The following PLCE1 variants were observed in gnomAD, a reference collection of about 807,000 sequenced individuals.
PLCE1 encodes the protein 1-phosphatidylinositol 4,5-bisphosphate phosphodiesterase epsilon-1.
A neutral mutation model predicts 242.8 loss-of-function variants in PLCE1; 119 were observed. The observed-to-expected ratio is 0.49, with a 90% CI of 0.42 to 0.57. The LOEUF is 0.57. Among genes scored for constraint, PLCE1 ranks in the 20% least tolerant of loss-of-function variants. PLCE1 has a pLI of 0.00. For missense variants in PLCE1, 2,441 were observed against 2,788.8 expected (o/e 0.88, Z 2.81); for synonymous variants, 945 against 1,017.4 (o/e 0.93, Z 1.35).
At chr10:94,173,631 C>T (rs2048047046) in intron 4 of PLCE1, among the ~76,000 whole-genome samples, 5 of 152,124 alleles carry the variant, frequency 3.3e-5, no homozygotes, top group Admixed American at 6.5e-5. Flanking sequence ...CATTCACTTC[C>T]ATAACCTTGG....
chr10:94,165,144 C>T (rs1369179412), intron 3 of PLCE1, among the ~76,000 whole-genome samples: 2 of 152,198 alleles, frequency 1.3e-5, no homozygotes, highest in African/African-American at 4.8e-5. Flanking sequence ...GCTGGGAGAA[C>T]CACTACTCTC....
chr10:94,137,932 G>A, intron 3 of PLCE1: 1 of 387,678 alleles, frequency 2.6e-6, no homozygotes, highest in African/African-American at 2.1e-5. Context: ...AGATGACCAA[G>A]TACCACAGTG....
Position 94,226,380 on chromosome 10 carries a change from G to A in PLCE1, c.1810-926G>A, listed in dbSNP as rs188647518. 6.6e-5 allele frequency among the ~76,000 whole-genome samples: 10 copies of A among 152,222 alleles called. No individual in the cohort carries two copies. The East Asian group carries it at 1.9e-3, about 29-fold the overall frequency. On this transcript the variant is annotated intron_variant, in intron 4 of 32. Coordinates refer to ENST00000371380, the MANE Select transcript of PLCE1 (RefSeq NM_016341.4). ...AAACCTAGGCTTTGCTACCTTCAAC[G>A]TGGTTGAAGACCTTACACACATCCC...
At chr10:94,095,685 G>A (rs2045282903) in intron 2 of PLCE1, among the ~76,000 whole-genome samples, 1 of 152,196 alleles carries the variant, frequency 6.6e-6, no homozygotes, top group South Asian at 2.1e-4. Context: ...GAAAATTAAA[G>A]CCTAGCACCA....
intron 23 of PLCE1, among the ~76,000 whole-genome samples, chr10:94,297,519 G>A (rs1472642049): frequency 1.4e-5 from 2 of 138,494 alleles, no homozygotes; most frequent in African/African-American, 5.3e-5. Flanking sequence ...GACACAAAGT[G>A]AATACATGCT....
At chr10:94,311,744 G>C (rs1471220816) in intron 27 of PLCE1, among the ~76,000 whole-genome samples, 2 of 152,132 alleles carry the variant, frequency 1.3e-5, no homozygotes, top group Non-Finnish European at 2.9e-5. Flanking sequence ...ACCTCTGTCT[G>C]TCCTCATCTA....
chr10:94,261,193 T>A (rs2051284977), intron 13 of PLCE1, among the ~76,000 whole-genome samples: 2 of 152,174 alleles, frequency 1.3e-5, no homozygotes, highest in Non-Finnish European at 2.9e-5. Context: ...CTGCTCTTTT[T>A]ATTATCTCCA....
intron 2 of PLCE1, among the ~76,000 whole-genome samples, chr10:94,097,775 G>C (rs187581908): frequency 6.6e-6 from 1 of 152,228 alleles, no homozygotes; most frequent in Non-Finnish European, 1.5e-5. Context: ...GCAGGAGCCT[G>C]CTGCCATCGT....
intron 8 of PLCE1, among the ~76,000 whole-genome samples, chr10:94,249,227 A>G (rs1256350059): frequency 6.6e-6 from 1 of 152,206 alleles, no homozygotes; most frequent in African/African-American, 2.4e-5. Context: ...CTTTCGAAAG[A>G]AAAAAGTTGG....
At chr10:94,101,975 C>T (rs1042208854) in intron 2 of PLCE1, among the ~76,000 whole-genome samples, 1 of 152,108 alleles carries the variant, frequency 6.6e-6, no homozygotes, top group Non-Finnish European at 1.5e-5. Context: ...ATGAGTGGGG[C>T]TGCAGATGGG....
At chr10:94,318,232 C>T (rs926559751) in intron 29 of PLCE1, among the ~76,000 whole-genome samples, 7 of 152,216 alleles carry the variant, frequency 4.6e-5, no homozygotes, top group Admixed American at 2.0e-4. Context: ...AGAGACCAGG[C>T]AACCCTAATA....
intron 2 of PLCE1, among the ~76,000 whole-genome samples, chr10:94,113,217 C>T (rs1206126164): frequency 6.7e-6 from 1 of 149,368 alleles, no homozygotes; most frequent in Non-Finnish European, 1.5e-5. Flanking sequence ...GACTTGTGTA[C>T]TTTAAATGAA....
intron 2 of PLCE1, among the ~76,000 whole-genome samples, chr10:94,078,149 T>C (rs1414472657): frequency 6.6e-6 from 1 of 152,372 alleles, no homozygotes; most frequent in Non-Finnish European, 1.5e-5. Flanking sequence ...TGGCACCTTA[T>C]TGACTTTTTA....
intron 11 of PLCE1, among the ~76,000 whole-genome samples, chr10:94,257,690 G>A (rs1300602447): frequency 9.9e-5 from 15 of 152,058 alleles, no homozygotes; most frequent in African/African-American, 1.4e-4. Context: ...CAAACACCGC[G>A]TGTTCTCACT....
At chr10:94,323,010 T>C (rs1325858533) in intron 30 of PLCE1, among the ~76,000 whole-genome samples, 3 of 152,186 alleles carry the variant, frequency 2.0e-5, no homozygotes, top group Non-Finnish European at 4.4e-5. Context: ...ATTCATTCCT[T>C]CAACAGACAC....
intron 2 of PLCE1, among the ~76,000 whole-genome samples, chr10:94,057,493 A>C (rs940626077): frequency 2.0e-5 from 3 of 152,182 alleles, no homozygotes; most frequent in Non-Finnish European, 2.9e-5. Flanking sequence ...ATGCATGTCT[A>C]TTTCTTTAGT....
intron 19 of PLCE1, among the ~76,000 whole-genome samples, chr10:94,275,265 T>C (rs1049108944): frequency 1.3e-5 from 2 of 152,224 alleles, no homozygotes; most frequent in African/African-American, 4.8e-5. Flanking sequence ...AGCTATCATG[T>C]GTTTCCCCAC....
intron 3 of PLCE1, among the ~76,000 whole-genome samples, chr10:94,166,203 A>AT (rs1175699709): frequency 2.6e-5 from 4 of 152,118 alleles, no homozygotes; most frequent in Admixed American, 2.0e-4. Context: ...TTTGTCCTAA[A>AT]TTTTTTGTGA....
chr10:94,148,856 A>G (rs1026547728), intron 3 of PLCE1, among the ~76,000 whole-genome samples: 2 of 152,056 alleles, frequency 1.3e-5, no homozygotes, highest in Admixed American at 6.6e-5. Flanking sequence ...CACTTGTAGG[A>G]CCTCCAGTGC....
Sources: gnomAD v4.1 joint callset for allele counts (sites outside exome capture counted in the v4.1 genomes callset) on GRCh38, gnomAD v4.1.1 for gene constraint, MANE v1.5 for transcripts, NCBI Gene and HGNC (gene_info 2026-07-23, HGNC 2026-07-21) for gene names.